Variants in PTPRD observed in about 807,000 individuals in gnomAD.
PTPRD encodes protein tyrosine phosphatase receptor type D, also known as receptor-type tyrosine-protein phosphatase delta.
Under a neutral mutation model 214.5 loss-of-function variants are expected in PTPRD, and 34 were observed. The observed-to-expected ratio is 0.16, with a 90% CI of 0.12 to 0.21. The LOEUF (loss-of-function observed/expected upper bound fraction) is 0.21, where lower values mean the gene tolerates loss of function less well. Ranked by LOEUF, PTPRD falls within the 10% of genes least tolerant of loss-of-function variation. The probability of loss-of-function intolerance (pLI) is 1.00; values close to 1 mark genes in which losing one functional copy is unlikely to be tolerated. For synonymous variants in PTPRD, 1,128 were observed against 845.7 expected (o/e 1.33, Z -5.79); for missense variants, 2,545 against 2,398.7 (o/e 1.06, Z -1.27).
At position 8,317,962 on chromosome 9, in the gene PTPRD, G is replaced by C. The variant is rs1823077405; in HGVS notation, c.5671-20C>G. The stretch of plus-strand genomic sequence containing the variant: ...TTGATCCTGCAGGAGACAATGAATG[G>C]GGAGAAGCAAAAGAAGGGACCATGA... On this transcript the variant is annotated intron_variant, in intron 45 of 45. Coordinates refer to ENST00000381196, the MANE Select transcript of PTPRD (RefSeq NM_002839.4). 1.9e-6 allele frequency: 3 copies of C among 1,607,182 alleles called. No homozygotes were observed. Among genetic ancestry groups the C allele is most frequent in the Middle Eastern group, 1.7e-4 (1 of 6,056 alleles).
chr9:8,783,895 C>T (rs919931439), intron 11 of PTPRD, among the ~76,000 whole-genome samples: 4 of 152,142 alleles, frequency 2.6e-5, no homozygotes, highest in Non-Finnish European at 5.9e-5. Context: ...TTACGCTACC[C>T]CTTCAGTGCT....
At chr9:9,788,185 C>T (rs1205410973) in intron 5 of PTPRD, among the ~76,000 whole-genome samples, 1 of 151,990 alleles carries the variant, frequency 6.6e-6, no homozygotes, top group Admixed American at 6.6e-5. Flanking sequence ...GTTTTATACA[C>T]ATATGAATGT....
chr9:8,490,559 T>G (rs1390729895), intron 27 of PTPRD, among the ~76,000 whole-genome samples: 1 of 152,198 alleles, frequency 6.6e-6, no homozygotes, highest in Non-Finnish European at 1.5e-5. Context: ...TGTAAAAATA[T>G]ACAGAAAATG....
chr9:10,356,673 GT>G (rs139272653), intron 2 of PTPRD, among the ~76,000 whole-genome samples: 248 of 151,594 alleles, frequency 1.6e-3, no homozygotes, highest in African/African-American at 5.6e-3. Context: ...TCATAAAAAT[GT>G]TTTTTTTCTT....
At chr9:9,986,187 T>C (rs535257400) in intron 4 of PTPRD, among the ~76,000 whole-genome samples, 1 of 152,238 alleles carries the variant, frequency 6.6e-6, no homozygotes, top group African/African-American at 2.4e-5. Flanking sequence ...CAAAGTTCTG[T>C]AGAACGCTCC....
chr9:8,402,678 T>G (rs1167262676), intron 36 of PTPRD, among the ~76,000 whole-genome samples: 1 of 101,522 alleles, frequency 9.9e-6, no homozygotes, highest in East Asian at 3.3e-4. Flanking sequence ...TTTAAGAGAC[T>G]TGAGACCCCC....
chr9:9,926,454 G>A (rs1245711131), intron 5 of PTPRD, among the ~76,000 whole-genome samples: 1 of 152,118 alleles, frequency 6.6e-6, no homozygotes, highest in Non-Finnish European at 1.5e-5. Context: ...GGCTATGAAA[G>A]AGGACTCAGA....
chr9:10,283,451 G>A (rs10959016), intron 3 of PTPRD, among the ~76,000 whole-genome samples: 50,658 of 152,090 alleles, frequency 0.33, 11,040 homozygotes, highest in African/African-American at 0.62. Flanking sequence ...TATTTGTTGA[G>A]TAAGTTAACT....
At chr9:9,812,893 C>A (rs182916192) in intron 5 of PTPRD, among the ~76,000 whole-genome samples, 97 of 152,038 alleles carry the variant, frequency 6.4e-4, no homozygotes, top group African/African-American at 2.3e-3. Flanking sequence ...TAAATCTGAG[C>A]AAATTTAAGA....
chr9:9,359,419 G>A lies in PTPRD; in HGVS notation c.-203+38030C>T, dbSNP rs141406011. On this transcript the variant is annotated intron_variant, in intron 9 of 45. Coordinates refer to ENST00000381196, the MANE Select transcript of PTPRD (RefSeq NM_002839.4). ...CTATAAAAATGTCCCCTGATAAGAG[G>A]TTGTGAAGATTTCTAACAATCTCTC... 7.2e-3 allele frequency among the ~76,000 whole-genome samples: 1,096 copies of A among 151,320 alleles called. 12 individuals carry two copies. Among genetic ancestry groups the A allele is most frequent in the African/African-American group, 0.025 (1,024 of 41,424 alleles).
At chr9:8,581,763 AGAAAG>A (rs1276250133) in intron 14 of PTPRD, among the ~76,000 whole-genome samples, 3 of 137,936 alleles carry the variant, frequency 2.2e-5, no homozygotes, top group African/African-American at 5.3e-5. Flanking sequence ...AATAAATAAA[AGAAAG>A]GGAAGGGAAG....
chr9:10,608,177 C>T (rs1337467649), intron 2 of PTPRD, among the ~76,000 whole-genome samples: 1 of 151,834 alleles, frequency 6.6e-6, no homozygotes, highest in Non-Finnish European at 1.5e-5. Context: ...TGTGATGCTG[C>T]AAAATAGCAT....
intron 9 of PTPRD, among the ~76,000 whole-genome samples, chr9:9,210,608 C>G (rs1319566353): frequency 6.6e-6 from 1 of 152,010 alleles, no homozygotes; most frequent in African/African-American, 2.4e-5. Context: ...AGAACACTTG[C>G]AAATGTTTCT....
chr9:8,974,478 A>G (rs2099256905), intron 11 of PTPRD, among the ~76,000 whole-genome samples: 2 of 152,036 alleles, frequency 1.3e-5, no homozygotes, highest in Admixed American at 6.6e-5. Context: ...TACATGCGCC[A>G]TGGTGGTTTG....
At chr9:9,001,260 C>G (rs2154355156) in intron 11 of PTPRD, among the ~76,000 whole-genome samples, 1 of 152,046 alleles carries the variant, frequency 6.6e-6, no homozygotes, top group South Asian at 2.1e-4. Flanking sequence ...ACTTAAGATC[C>G]CCTTGGAGCC....
At chr9:9,653,618 C>G (rs911231687) in intron 7 of PTPRD, among the ~76,000 whole-genome samples, 2 of 152,008 alleles carry the variant, frequency 1.3e-5, no homozygotes, top group African/African-American at 4.8e-5. Context: ...CATTACTGAA[C>G]AGCATGAGGT....
At chr9:9,341,590 A>C (rs2046826487) in intron 9 of PTPRD, among the ~76,000 whole-genome samples, 1 of 151,936 alleles carries the variant, frequency 6.6e-6, no homozygotes, top group African/African-American at 2.4e-5. Context: ...TTGAATTGAC[A>C]TCCTGGTTTT....
intron 14 of PTPRD, among the ~76,000 whole-genome samples, chr9:8,549,954 C>T (rs983266241): frequency 6.6e-6 from 1 of 152,106 alleles, no homozygotes; most frequent in Non-Finnish European, 1.5e-5. Flanking sequence ...CATGAAGCAT[C>T]TGAAAGAAGA....
intron 10 of PTPRD, among the ~76,000 whole-genome samples, chr9:9,050,246 C>T (rs554528379): frequency 3.4e-4 from 51 of 152,232 alleles, no homozygotes; most frequent in African/African-American, 1.2e-3. Flanking sequence ...GTTCAATGTA[C>T]TGATAAAACT....
Sources: allele counts gnomAD v4.1 joint callset (sites outside exome capture counted in the v4.1 genomes callset), GRCh38; gene constraint gnomAD v4.1.1; transcripts MANE v1.5; gene names NCBI Gene and HGNC (gene_info 2026-07-23, HGNC 2026-07-21).